The following DLG2 variants were observed in gnomAD, a reference collection of about 807,000 sequenced individuals.
The protein encoded by DLG2 is discs large MAGUK scaffold protein 2.
A neutral mutation model predicts 132.5 loss-of-function variants in DLG2; 45 were observed. The observed-to-expected ratio is 0.34, with a 90% confidence interval of 0.27 to 0.44. The LOEUF is 0.44. Ranked by LOEUF, DLG2 falls within the 20% of genes least tolerant of loss-of-function variation. The pLI is 1.00. For missense variants in DLG2, 1,045 were observed against 1,196.9 expected, an observed-to-expected ratio of 0.87 and a Z score of 1.87; for synonymous variants, 424 against 419.6, an observed-to-expected ratio of 1.01 and a Z score of -0.13.
intron 8 of DLG2, among the ~76,000 whole-genome samples, chr11:84,215,923 A>T (rs914714860): frequency 6.6e-6 from 1 of 152,198 alleles, no homozygotes; most frequent in Non-Finnish European, 1.5e-5. Flanking sequence ...GTGGTTTTGG[A>T]AAGGGAAGAA....
chr11:84,064,920 C>A (rs553962506), intron 10 of DLG2, among the ~76,000 whole-genome samples: 1 of 152,124 alleles, frequency 6.6e-6, no homozygotes, highest in Non-Finnish European at 1.5e-5. Context: ...TGCTGCACAC[C>A]TACAGCCATC....
chr11:85,084,992 G>C (rs1480561007), intron 6 of DLG2, among the ~76,000 whole-genome samples: 1 of 152,038 alleles, frequency 6.6e-6, no homozygotes, highest in Non-Finnish European at 1.5e-5. Flanking sequence ...TGTTAGTTTG[G>C]TCCAGAGTTT....
intron 6 of DLG2, among the ~76,000 whole-genome samples, chr11:84,842,874 C>T (rs113963721): frequency 6.6e-6 from 1 of 151,834 alleles, no homozygotes; most frequent in Admixed American, 6.6e-5. Flanking sequence ...TTACCACCAC[C>T]ATTTCTATCC....
chr11:84,695,471 C>T (rs1455293688), intron 6 of DLG2, among the ~76,000 whole-genome samples: 1 of 151,452 alleles, frequency 6.6e-6, no homozygotes, highest in Non-Finnish European at 1.5e-5. Flanking sequence ...ATGTAGCATG[C>T]ACTTTTTAAA....
chr11:83,824,616 T>C (rs759808585), intron 17 of DLG2, among the ~76,000 whole-genome samples: 13 of 152,238 alleles, frequency 8.5e-5, no homozygotes, highest in Non-Finnish European at 1.5e-4. Flanking sequence ...TGTTAAATAA[T>C]GTTAAAAAAC....
chr11:83,850,148 GTGTGTGTGTGTGTT>G (rs1045127507), intron 16 of DLG2, among the ~76,000 whole-genome samples: 5 of 133,218 alleles, frequency 3.8e-5, no homozygotes, highest in South Asian at 2.4e-4. Context: ...GTGTGTGTGT[GTGTGTGTGTGTGTT>G]TTTTTACTTG....
At chr11:84,071,782 T>C (rs905188952) in intron 10 of DLG2, among the ~76,000 whole-genome samples, 1 of 152,210 alleles carries the variant, frequency 6.6e-6, no homozygotes, top group Non-Finnish European at 1.5e-5. Context: ...AAGCCCTTTA[T>C]TAAAATGAAA....
At chr11:83,595,641 C>T (rs1207722362) in intron 19 of DLG2, among the ~76,000 whole-genome samples, 1 of 152,214 alleles carries the variant, frequency 6.6e-6, no homozygotes, top group Non-Finnish European at 1.5e-5. Flanking sequence ...CGGTCTCAGG[C>T]TGATCCTCAG....
chr11:85,588,491 G>A (rs1048395209), intron 3 of DLG2, among the ~76,000 whole-genome samples: 2 of 151,866 alleles, frequency 1.3e-5, no homozygotes, highest in Non-Finnish European at 2.9e-5. Context: ...GGTGCATTTT[G>A]TATTTCTCTA....
At chr11:84,930,997 G>C (rs997769278) in intron 6 of DLG2, among the ~76,000 whole-genome samples, 4 of 151,842 alleles carry the variant, frequency 2.6e-5, no homozygotes, top group African/African-American at 7.3e-5. Context: ...TTAAAATTGG[G>C]CATCACAACC....
chr11:83,581,458 A>G (rs2096974947), intron 19 of DLG2, among the ~76,000 whole-genome samples: 1 of 152,152 alleles, frequency 6.6e-6, no homozygotes, highest in Non-Finnish European at 1.5e-5. Flanking sequence ...ACCCTAAAAT[A>G]CATGTCAAGA....
At chr11:85,351,768 C>A (rs192877127) in intron 3 of DLG2, among the ~76,000 whole-genome samples, 67 of 152,296 alleles carry the variant, frequency 4.4e-4, no homozygotes, top group Non-Finnish European at 7.8e-4. Flanking sequence ...CAAACTTGAT[C>A]GTGGTGGATA....
intron 6 of DLG2, among the ~76,000 whole-genome samples, chr11:84,940,233 C>T (rs1470280561): frequency 6.6e-6 from 1 of 152,200 alleles, no homozygotes; most frequent in African/African-American, 2.4e-5. Flanking sequence ...TCACTGCAAC[C>T]CCCGCCTCCT....
At chr11:85,238,343 A>G (rs2075705442) in intron 4 of DLG2, among the ~76,000 whole-genome samples, 1 of 151,692 alleles carries the variant, frequency 6.6e-6, no homozygotes, top group Admixed American at 6.6e-5. Context: ...TCCTGGGTTC[A>G]AGCAATTCTC....
intron 6 of DLG2, among the ~76,000 whole-genome samples, chr11:84,882,931 C>T (rs2087588232): frequency 6.6e-6 from 1 of 152,002 alleles, no homozygotes; most frequent in African/African-American, 2.4e-5. Flanking sequence ...TAGGAATTTG[C>T]CATTTGACCC....
chr11:83,830,232 A>T (rs2054093687), intron 17 of DLG2, among the ~76,000 whole-genome samples: 1 of 152,240 alleles, frequency 6.6e-6, no homozygotes, highest in Admixed American at 6.5e-5. Context: ...TCTGTGAATT[A>T]TAATATCTAA....
intron 6 of DLG2, among the ~76,000 whole-genome samples, chr11:84,909,559 G>T (rs7126964): frequency 0.019 from 2,829 of 152,218 alleles, 59 homozygotes; most frequent in African/African-American, 0.052. Flanking sequence ...AGCAATCATT[G>T]AGTACATTCT....
chr11:84,992,138 A>G (rs907032279), intron 6 of DLG2, among the ~76,000 whole-genome samples: 1 of 151,802 alleles, frequency 6.6e-6, no homozygotes, highest in African/African-American at 2.4e-5. Flanking sequence ...TTAAGTTCTC[A>G]TGTTTTCTGA....
chr11:84,732,173 G>T (rs553055924), intron 6 of DLG2, among the ~76,000 whole-genome samples: 2 of 151,912 alleles, frequency 1.3e-5, no homozygotes, highest in Non-Finnish European at 2.9e-5. Context: ...TACATAATTT[G>T]TCTATATTTG....
Sources: gnomAD v4.1 joint callset for allele counts (sites outside exome capture counted in the v4.1 genomes callset) on GRCh38, gnomAD v4.1.1 for gene constraint, MANE v1.5 for transcripts, NCBI Gene and HGNC (gene_info 2026-07-23, HGNC 2026-07-21) for gene names.